ZFHX3: variants seen among roughly 807,000 people sequenced by gnomAD.
ZFHX3 encodes zinc finger homeobox 3.
Under a neutral mutation model 279.1 loss-of-function variants are expected in ZFHX3, and 42 were observed. The ratio of observed to expected loss-of-function variants is 0.15; its 90% CI spans 0.12 to 0.19. ZFHX3 has a LOEUF of 0.19. ZFHX3 is among the 10% of genes least tolerant of loss of function. The probability of loss-of-function intolerance (pLI) is 1.00; values close to 1 mark genes in which losing one functional copy is unlikely to be tolerated. For synonymous variants in ZFHX3, 2,293 were observed against 1,957.8 expected (o/e 1.17, Z -4.52); for missense variants, 4,981 against 4,754.0 (o/e 1.05, Z -1.40).
At chr16:73,879,184 A>G (rs1169958044) in intron 1 of ZFHX3, among the ~76,000 whole-genome samples, 1 of 151,154 alleles carries the variant, frequency 6.6e-6, no homozygotes, top group Non-Finnish European at 1.5e-5. Flanking sequence ...TTTCGCAAGC[A>G]GTTTGTGTTA....
chr16:73,541,522 A>G (rs2020010703), intron 2 of ZFHX3, among the ~76,000 whole-genome samples: 1 of 152,102 alleles, frequency 6.6e-6, no homozygotes. Context: ...AAACAGAAAA[A>G]GCCATACTAT....
chr16:73,269,016 C>T (rs1341990976), intron 4 of ZFHX3, among the ~76,000 whole-genome samples: 1 of 152,198 alleles, frequency 6.6e-6, no homozygotes, highest in Non-Finnish European at 1.5e-5. Flanking sequence ...TGGGCTGCCT[C>T]CACTTTCAAG....
rs757960923 is a variant in ZFHX3 at position 72,889,919 on chromosome 16, T to C, written c.3260A>G (p.Tyr1087Cys). Residue 1087 changes from tyrosine to cysteine, a missense_variant, in exon 4 of 10, where the codon TAC becomes TGC. Coordinates refer to ENST00000268489, the MANE Select transcript of ZFHX3 (RefSeq NM_006885.4). ...GTAGTTGCACAGAACGCAGTGGTAG[T>C]AGCAGCTCTCACCTTCTACACCACT... ...HESGVEGESC[Y>C]YHCVLCNYST... 1.2e-6 allele frequency: 2 copies of C among 1,614,110 alleles called. No homozygotes were observed. The highest frequency in any genetic ancestry group is 1.7e-6 in the Non-Finnish European group (2 of 1,180,024).
chr16:73,453,402 A>C (rs1460537726), intron 3 of ZFHX3, among the ~76,000 whole-genome samples: 2 of 152,178 alleles, frequency 1.3e-5, no homozygotes, highest in East Asian at 3.9e-4. Context: ...CTCTTCCCTC[A>C]ACATGGAACA....
chr16:72,943,469 T>A (rs532088801), intron 3 of ZFHX3, among the ~76,000 whole-genome samples: 1 of 151,702 alleles, frequency 6.6e-6, no homozygotes, highest in African/African-American at 2.4e-5. Context: ...GAGGCGGAGG[T>A]TGCAATGAGC....
At chr16:72,907,681 CT>C (rs71156129) in intron 3 of ZFHX3, among the ~76,000 whole-genome samples, 18,730 of 131,806 alleles carry the variant, frequency 0.14, 1,463 homozygotes, top group South Asian at 0.18. Context: ...CTCCAAATTC[CT>C]TTTTTTTTTT....
Position 72,958,857 on chromosome 16 carries a change from G to T in ZFHX3, c.1289C>A (p.Ser430Tyr). ...LGPLASSPTKSSEGKDSGAAE... is the reference protein window; with the variant it reads ...LGPLASSPTKYSEGKDSGAAE... ...CGCCCCAGAGTCCTTGCCCTCTGAG[G>T]ATTTGGTAGGACTGGAAGCCAGAGG... The change falls in exon 2 of 10, where the codon TCC becomes TAC. Residue 430 changes from serine (S) to tyrosine (Y), a missense_variant. This residue lies in a region of ZFHX3 where 1,068 missense variants were observed against 935.2 expected (regional missense o/e 1.14). Transcript: ENST00000268489. The T allele has an allele frequency of 6.2e-7, 1 of 1,613,752 alleles. No homozygotes were observed. The highest frequency in any genetic ancestry group is 8.5e-7 in the Non-Finnish European group (1 of 1,179,826).
At chr16:73,058,253 G>A (rs1219523641) in intron 1 of ZFHX3, among the ~76,000 whole-genome samples, 1 of 145,022 alleles carries the variant, frequency 6.9e-6, no homozygotes, top group Non-Finnish European at 1.5e-5. Context: ...CGGCGGCGGC[G>A]GCGGCAGCGG....
chr16:73,304,583 G>A (rs559341651), intron 4 of ZFHX3, among the ~76,000 whole-genome samples: 3 of 152,168 alleles, frequency 2.0e-5, no homozygotes, highest in South Asian at 4.2e-4. Context: ...CTCCCGTCTC[G>A]CCTGTGTTGG....
intron 7 of ZFHX3, among the ~76,000 whole-genome samples, chr16:73,108,692 C>T (rs1182174720): frequency 1.3e-5 from 2 of 152,334 alleles, no homozygotes; most frequent in Non-Finnish European, 2.9e-5. Context: ...GGGCACAGTC[C>T]TGAAGTGACT....
At chr16:73,715,807 C>A (rs12926254) in intron 1 of ZFHX3, among the ~76,000 whole-genome samples, 2 of 151,752 alleles carry the variant, frequency 1.3e-5, no homozygotes, top group African/African-American at 4.8e-5. Flanking sequence ...CTCCTGACGT[C>A]GTGATCCACC....
chr16:73,414,445 G>T (rs2017530705), intron 3 of ZFHX3, among the ~76,000 whole-genome samples: 1 of 152,208 alleles, frequency 6.6e-6, no homozygotes, highest in Non-Finnish European at 1.5e-5. Flanking sequence ...TCACTACAAG[G>T]TGGGACAAAT....
intron 3 of ZFHX3, among the ~76,000 whole-genome samples, chr16:72,900,875 A>G (rs2039018120): frequency 6.6e-6 from 1 of 152,230 alleles, no homozygotes; most frequent in Non-Finnish European, 1.5e-5. Flanking sequence ...CCCAAGTCGG[A>G]ATACCTGGAG....
intron 1 of ZFHX3, among the ~76,000 whole-genome samples, chr16:73,033,092 G>A (rs892365649): frequency 1.3e-5 from 2 of 152,016 alleles, no homozygotes; most frequent in Admixed American, 6.6e-5. Context: ...TTGACCCCAC[G>A]CGACAGGGGA....
At chr16:73,105,527 G>A (rs549838081) in intron 7 of ZFHX3, among the ~76,000 whole-genome samples, 50 of 151,446 alleles carry the variant, frequency 3.3e-4, no homozygotes, top group African/African-American at 1.0e-3. Context: ...AAAGACGGGC[G>A]GATCACTTGA....
At chr16:73,342,517 G>C (rs947615248) in intron 3 of ZFHX3, among the ~76,000 whole-genome samples, 3 of 152,210 alleles carry the variant, frequency 2.0e-5, no homozygotes, top group African/African-American at 7.2e-5. Context: ...AGCTCCAGGA[G>C]TCGATGAGGA....
intron 1 of ZFHX3, among the ~76,000 whole-genome samples, chr16:73,876,065 G>C (rs1472646834): frequency 6.6e-6 from 1 of 152,132 alleles, no homozygotes; most frequent in Non-Finnish European, 1.5e-5. Context: ...ACCGTCCAGT[G>C]TCTGAATTTT....
intron 6 of ZFHX3, among the ~76,000 whole-genome samples, chr16:73,141,551 C>T (rs1473062739): frequency 6.6e-6 from 1 of 151,958 alleles, no homozygotes; most frequent in Non-Finnish European, 1.5e-5. Flanking sequence ...CTGTGCTCCA[C>T]CGTGTAGGGC....
At chr16:73,187,285 G>A (rs1390563199) in intron 5 of ZFHX3, among the ~76,000 whole-genome samples, 1 of 151,542 alleles carries the variant, frequency 6.6e-6, no homozygotes, top group Admixed American at 6.6e-5. Context: ...TCAGAATTCT[G>A]TCAGCTCTCA....
Sources: allele counts gnomAD v4.1 joint callset (sites outside exome capture counted in the v4.1 genomes callset), GRCh38; gene constraint gnomAD v4.1.1; regional missense constraint gnomAD v4.1.1; transcripts MANE v1.5; gene names NCBI Gene and HGNC (gene_info 2026-07-23, HGNC 2026-07-21).